The following PTPRN2 variants were observed in gnomAD, a reference collection of about 807,000 sequenced individuals.
PTPRN2 encodes protein tyrosine phosphatase receptor type N2.
PTPRN2 carries 74 observed loss-of-function variants against 118.8 expected under a neutral mutation model. The observed-to-expected ratio is 0.62, with a 90% confidence interval of 0.52 to 0.76. The LOEUF (loss-of-function observed/expected upper bound fraction) is 0.76, where lower values mean the gene tolerates loss of function less well. Ranked by LOEUF, PTPRN2 falls within the 30% of genes least tolerant of loss-of-function variation. The pLI is 0.00. For synonymous variants in PTPRN2, 641 were observed against 608.0 expected (o/e 1.05, Z -0.80); for missense variants, 1,481 against 1,394.4 (o/e 1.06, Z -0.99).
At chr7:158,082,542 C>T (rs1812921101) in intron 10 of PTPRN2, among the ~76,000 whole-genome samples, 2 of 152,250 alleles carry the variant, frequency 1.3e-5, no homozygotes, top group Admixed American at 6.5e-5. Flanking sequence ...ACCATCCTAA[C>T]ACCATGGCTG....
At chr7:158,121,540 T>C (rs1214498961) in intron 9 of PTPRN2, among the ~76,000 whole-genome samples, 17 of 152,096 alleles carry the variant, frequency 1.1e-4, no homozygotes, top group Admixed American at 1.1e-3. Context: ...GCTACCAAAT[T>C]CCATGAGTCT....
At chr7:158,506,190 G>A (rs970256508) in intron 1 of PTPRN2, among the ~76,000 whole-genome samples, 6 of 152,218 alleles carry the variant, frequency 3.9e-5, no homozygotes, top group Non-Finnish European at 7.3e-5. Context: ...TTCGGCGTCG[G>A]ACAACCCCAG....
intron 12 of PTPRN2, among the ~76,000 whole-genome samples, chr7:157,871,216 C>A (rs60126356): frequency 0.04 from 6,027 of 152,272 alleles, 400 homozygotes; most frequent in African/African-American, 0.13. Flanking sequence ...GTGGGGTCCC[C>A]AGACTGGCAG....
chr7:158,286,298 A>G (rs1035493034), intron 3 of PTPRN2, among the ~76,000 whole-genome samples: 2 of 152,228 alleles, frequency 1.3e-5, no homozygotes, highest in African/African-American at 2.4e-5. Flanking sequence ...ATCTGCAAAC[A>G]GGGACAATTT....
intron 12 of PTPRN2, among the ~76,000 whole-genome samples, chr7:157,730,351 C>T (rs1486471912): frequency 6.6e-6 from 1 of 152,206 alleles, no homozygotes; most frequent in Non-Finnish European, 1.5e-5. Context: ...CTGTCCTTTC[C>T]TCTTCTAGAA....
chr7:157,894,248 T>A (rs1300093049), intron 12 of PTPRN2, among the ~76,000 whole-genome samples: 1 of 152,138 alleles, frequency 6.6e-6, no homozygotes. Flanking sequence ...ACTCCAAAAC[T>A]GAGAGGAGCA....
intron 2 of PTPRN2, among the ~76,000 whole-genome samples, chr7:158,416,566 AAAC>A (rs1814671309): frequency 6.6e-6 from 1 of 152,230 alleles, no homozygotes; most frequent in African/African-American, 2.4e-5. Flanking sequence ...GGGAGAAACC[AAAC>A]AACATTTCGC....
intron 10 of PTPRN2, among the ~76,000 whole-genome samples, chr7:158,092,353 G>A (rs1395109648): frequency 9.2e-6 from 1 of 108,418 alleles, no homozygotes; most frequent in Non-Finnish European, 1.8e-5. Context: ...TGGGTGGGTG[G>A]GTAGAAGGAT....
At chr7:158,097,648 G>A (rs1245310529) in intron 10 of PTPRN2, among the ~76,000 whole-genome samples, 4 of 152,134 alleles carry the variant, frequency 2.6e-5, no homozygotes, top group South Asian at 2.1e-4. Flanking sequence ...GAGATTCCGC[G>A]GAAGGCGGCC....
At chr7:158,580,794 G>A (rs181576970) in intron 1 of PTPRN2, among the ~76,000 whole-genome samples, 7 of 152,204 alleles carry the variant, frequency 4.6e-5, no homozygotes, top group Non-Finnish European at 7.4e-5. Flanking sequence ...GAAAGCATTC[G>A]GAACATAAAA....
At chr7:158,467,152 C>T (rs1180664468) in intron 2 of PTPRN2, among the ~76,000 whole-genome samples, 3 of 152,188 alleles carry the variant, frequency 2.0e-5, no homozygotes, top group Non-Finnish European at 4.4e-5. Context: ...ATGTGCGTTT[C>T]CAATGATTAG....
At chr7:158,248,453 A>G (rs1257333718) in intron 3 of PTPRN2, among the ~76,000 whole-genome samples, 1 of 148,026 alleles carries the variant, frequency 6.8e-6, no homozygotes, top group Non-Finnish European at 1.5e-5. Flanking sequence ...CTTGAATTCA[A>G]ATCTTAAAAT....
intron 2 of PTPRN2, among the ~76,000 whole-genome samples, chr7:158,486,078 C>G (rs1820996046): frequency 6.6e-6 from 1 of 152,184 alleles, no homozygotes; most frequent in South Asian, 2.1e-4. Context: ...ATACAAACAC[C>G]ACTGCAGAGA....
intron 2 of PTPRN2, among the ~76,000 whole-genome samples, chr7:158,449,067 C>T (rs986358786): frequency 6.6e-6 from 1 of 152,224 alleles, no homozygotes; most frequent in Non-Finnish European, 1.5e-5. Flanking sequence ...CTCGGCACCA[C>T]CTGTGGACAA....
intron 12 of PTPRN2, among the ~76,000 whole-genome samples, chr7:157,748,777 G>C (rs1353043431): frequency 4.1e-5 from 4 of 96,760 alleles, no homozygotes; most frequent in African/African-American, 1.4e-4. Flanking sequence ...TCCCTGAGCT[G>C]TGGGCTGTTG....
At chr7:158,352,786 C>T (rs1434469077) in intron 2 of PTPRN2, among the ~76,000 whole-genome samples, 1 of 152,228 alleles carries the variant, frequency 6.6e-6, no homozygotes. Context: ...GCTTTCAATC[C>T]CTTCAATCTA....
At chr7:157,955,001 T>C (rs1464727778) in intron 11 of PTPRN2, among the ~76,000 whole-genome samples, 4 of 152,204 alleles carry the variant, frequency 2.6e-5, no homozygotes, top group African/African-American at 7.2e-5. Flanking sequence ...TCCTAGTTTG[T>C]TTCTGGGTAG....
At position 158,299,747 on chromosome 7, in the gene PTPRN2, C is replaced by A. The variant is rs1800750847; in HGVS notation, c.277+17072G>T. Among the ~76,000 whole-genome samples, 3 of 152,184 alleles carry A rather than the reference C, an allele frequency of 2.0e-5. No homozygotes were observed. In the South Asian group the frequency reaches 6.2e-4, roughly 32 times the overall value. The stretch of plus-strand genomic sequence containing the variant: ...TGCTGGCTGCATTCATCCTTCACTG[C>A]CACAGAGCTCCCTCACCTCCCTCAG... On this transcript the variant is annotated intron_variant, in intron 3 of 22. Coordinates refer to ENST00000389418, the MANE Select transcript of PTPRN2 (RefSeq NM_002847.5).
In PTPRN2 at chr7:157,929,567, C is replaced by T. The variant is rs1425814067; in HGVS notation, c.1724-30830G>A. On this transcript the variant is annotated intron_variant, in intron 11 of 22. Transcript: ENST00000389418. This position sits in a 1 kb window ranked among gnomAD's most constrained non-coding sequence, Gnocchi z 4.4. ...CCCTGGAATTCCCCTCCTTTTACCA[C>T]ATTTGCCACCTCTGGTCCCATCTTC... Among the ~76,000 whole-genome samples, 1 of 152,150 alleles carries T rather than the reference C, an allele frequency of 6.6e-6. No individual in the cohort carries two copies. The highest frequency in any genetic ancestry group is 1.5e-5 in the Non-Finnish European group (1 of 68,026).
Sources: gnomAD v4.1 joint callset for allele counts (sites outside exome capture counted in the v4.1 genomes callset) on GRCh38, gnomAD v4.1.1 for gene constraint, Gnocchi (gnomAD v3.1) non-coding constraint, MANE v1.5 for transcripts, NCBI Gene and HGNC (gene_info 2026-07-23, HGNC 2026-07-21) for gene names.